The following EYA1 variants were observed in gnomAD, a reference collection of about 807,000 sequenced individuals.
EYA1 encodes the protein protein phosphatase EYA1.
EYA1 carries 16 observed loss-of-function variants against 82.0 expected under a neutral mutation model. The observed-to-expected ratio is 0.20, with a 90% CI of 0.13 to 0.30. The LOEUF is 0.30. EYA1 is among the 10% of genes least tolerant of loss of function. The pLI is 1.00. For missense variants in EYA1, 633 were observed against 730.7 expected (o/e 0.87, Z 1.54); for synonymous variants, 261 against 264.4 (o/e 0.99, Z 0.12).
intron 2 of EYA1, among the ~76,000 whole-genome samples, chr8:71,409,080 C>T (rs894009801): frequency 9.4e-5 from 10 of 106,050 alleles, no homozygotes; most frequent in Admixed American, 2.9e-4. Context: ...CACTCAAAGC[C>T]GCTCAACTAC....
chr8:71,231,497 C>T (rs189751370), intron 12 of EYA1, among the ~76,000 whole-genome samples: 1 of 152,228 alleles, frequency 6.6e-6, no homozygotes, highest in African/African-American at 2.4e-5. Context: ...CTCCAACACT[C>T]TGCCTTGCCA....
upstream of EYA1, among the ~76,000 whole-genome samples, chr8:71,366,557 T>C (rs546332767): frequency 1.6e-4 from 24 of 152,248 alleles, 1 homozygote; most frequent in Admixed American, 7.8e-4. Context: ...GATCTGGAAA[T>C]TTGCTTTGTG....
chr8:71,429,541 G>A (rs1805478973), intron 2 of EYA1, among the ~76,000 whole-genome samples: 1 of 152,038 alleles, frequency 6.6e-6, no homozygotes, highest in South Asian at 2.1e-4. Context: ...ATCAATTCCA[G>A]TATGAAACAG....
chr8:71,299,073 C>T lies in EYA1; in HGVS notation c.800G>A (p.Ser267Asn). Residue 267 changes from serine to asparagine, a missense_variant, in exon 9 of 18, where the codon AGC (serine) becomes AAC (asparagine). Physicochemically the swap from Ser to Asn is conservative, Grantham distance 46. Transcript: ENST00000340726. Reference protein sequence around the residue: ...QLQEPPSGITSQAVTDPTAEY... With the variant: ...QLQEPPSGITNQAVTDPTAEY... ...TGCTGTGGGATCTGTAACTGCTTGG[C>T]TGGTGATGCCAGATGGCGGTTCTTG... 1 of 1,614,036 alleles carries T rather than the reference C, an allele frequency of 6.2e-7. No individual in the cohort carries two copies.
At chr8:71,372,306 A>G (rs781061396) in intron 2 of EYA1, among the ~76,000 whole-genome samples, 5 of 152,250 alleles carry the variant, frequency 3.3e-5, no homozygotes, top group Middle Eastern at 3.4e-3. Context: ...CCTAGATGAC[A>G]AATAATTCCT....
chr8:71,444,138 C>A (rs563008182), intron 2 of EYA1, among the ~76,000 whole-genome samples: 13 of 152,180 alleles, frequency 8.5e-5, no homozygotes, highest in African/African-American at 3.1e-4. Context: ...GCACAGATAA[C>A]CTCTATCCAA....
At chr8:71,451,754 G>A (rs920399885) in intron 2 of EYA1, among the ~76,000 whole-genome samples, 1 of 152,142 alleles carries the variant, frequency 6.6e-6, no homozygotes, top group East Asian at 1.9e-4. Flanking sequence ...CAAGTCACAA[G>A]AGATCATTTC....
At chr8:71,283,449 C>T (rs146846555) in intron 9 of EYA1, among the ~76,000 whole-genome samples, 46 of 152,240 alleles carry the variant, frequency 3.0e-4, no homozygotes, top group East Asian at 1.9e-3. Flanking sequence ...AGTTCCCTGA[C>T]GGCAGAGGCT....
At chr8:71,479,974 A>C (rs1810003671) in intron 2 of EYA1, among the ~76,000 whole-genome samples, 1 of 152,172 alleles carries the variant, frequency 6.6e-6, no homozygotes, top group African/African-American at 2.4e-5. Context: ...TATTTACTCT[A>C]GTTCCTAAAT....
At chr8:71,226,029 G>C (rs1199201488) in intron 12 of EYA1, among the ~76,000 whole-genome samples, 1 of 152,106 alleles carries the variant, frequency 6.6e-6, no homozygotes. Flanking sequence ...AATATTTAGA[G>C]AACAAAGTCT....
chr8:71,503,614 A>T lies in EYA1; in HGVS notation c.33+32130T>A, dbSNP rs185347772. Among the ~76,000 whole-genome samples the T allele has an allele frequency of 1.4e-3, 216 of 152,332 alleles. 1 individual carries two copies. Among genetic ancestry groups the T allele is most frequent in the African/African-American group, 4.9e-3 (203 of 41,578 alleles). On this transcript the variant is annotated intron_variant, in intron 2 of 18. Transcript: ENST00000643681. ...CAGTAATCTTTTATGACATCGCCAAAATAAATGTACTCATACATATTAGCT... is the reference window on the plus strand; with the variant it reads ...CAGTAATCTTTTATGACATCGCCAATATAAATGTACTCATACATATTAGCT...
At chr8:71,385,309 C>T (rs1828915412) in intron 2 of EYA1, among the ~76,000 whole-genome samples, 6 of 152,042 alleles carry the variant, frequency 3.9e-5, no homozygotes, top group Admixed American at 3.9e-4. Context: ...GGGGGAGTGA[C>T]CAAGTAGATG....
At chr8:71,508,225 T>C (rs886778615) in intron 2 of EYA1, among the ~76,000 whole-genome samples, 3 of 152,200 alleles carry the variant, frequency 2.0e-5, no homozygotes, top group Non-Finnish European at 4.4e-5. Flanking sequence ...TCAGTCATAC[T>C]ATGTAAGTAT....
At chr8:71,316,313 A>G (rs1465955608) in intron 7 of EYA1, among the ~76,000 whole-genome samples, 1 of 151,830 alleles carries the variant, frequency 6.6e-6, no homozygotes, top group Admixed American at 6.6e-5. Context: ...GTGTGTAGAT[A>G]AGATATGCAT....
chr8:71,434,114 C>T (rs756912130), intron 2 of EYA1, among the ~76,000 whole-genome samples: 5 of 152,168 alleles, frequency 3.3e-5, no homozygotes, highest in Non-Finnish European at 5.9e-5. Flanking sequence ...CTCTAAGATT[C>T]TGTTTGCCTA....
intron 1 of EYA1, among the ~76,000 whole-genome samples, chr8:71,541,841 T>C (rs1815161275): frequency 6.6e-6 from 1 of 152,214 alleles, no homozygotes; most frequent in African/African-American, 2.4e-5. Flanking sequence ...TTTAGGGCAT[T>C]GCTAGTCTTC....
intron 2 of EYA1, among the ~76,000 whole-genome samples, chr8:71,478,633 G>A (rs1349279671): frequency 6.6e-6 from 1 of 152,136 alleles, no homozygotes. Flanking sequence ...CTGCCTACAT[G>A]CTGTGGACCT....
chr8:71,243,833 C>T (rs193284909), intron 12 of EYA1, among the ~76,000 whole-genome samples: 8 of 152,332 alleles, frequency 5.3e-5, no homozygotes, highest in Admixed American at 3.3e-4. Context: ...AAATAACATA[C>T]ATTTATAAAT....
intron 5 of EYA1, 120 bp downstream of exon 5, chr8:71,322,079 T>C: frequency 9.0e-7 from 1 of 1,116,400 alleles, no homozygotes; most frequent in East Asian, 2.4e-5. Flanking sequence ...TATGTTTACA[T>C]CTCTATGAAA....
Sources: allele counts gnomAD v4.1 joint callset (sites outside exome capture counted in the v4.1 genomes callset), GRCh38; gene constraint gnomAD v4.1.1; transcripts MANE v1.5; gene names NCBI Gene and HGNC (gene_info 2026-07-23, HGNC 2026-07-21).